The following CEP85L variants were observed in gnomAD, a reference collection of about 807,000 sequenced individuals.
The protein encoded by CEP85L is centrosomal protein 85L, also known as centrosomal protein of 85 kDa-like.
CEP85L carries 60 observed loss-of-function variants against 100.3 expected under a neutral mutation model. That is an observed-to-expected ratio of 0.60 (90% CI 0.49 to 0.74). The LOEUF (loss-of-function observed/expected upper bound fraction) is 0.74. CEP85L is among the 30% of genes least tolerant of loss of function. The pLI is 0.00. For synonymous variants in CEP85L, 319 were observed against 322.7 expected, an observed-to-expected ratio of 0.99 and a Z score of 0.12; for missense variants, 973 against 936.2, an observed-to-expected ratio of 1.04 and a Z score of -0.51.
chr6:118,481,892 A>G lies in CEP85L; in HGVS notation c.1632T>C (p.Ala544=), dbSNP rs754175878. 3 of 1,581,670 alleles carry G rather than the reference A, an allele frequency of 1.9e-6. No individual in the cohort carries two copies. Among genetic ancestry groups the G allele is most frequent in the Non-Finnish European group, 2.6e-6 (3 of 1,163,140 alleles). The stretch of plus-strand genomic sequence containing the variant: ...CAAGTTTTTTTTCTGTATCTATCAA[A>G]GCCTCTTGTAAATTCTTATTTTTTT... ...LEEKNKNLQE[A]LIDTEKKLEE... is the part of the protein sequence containing the mutation. The change falls in exon 8 of 13, where the codon GCT becomes GCC. Residue 544 remains alanine, a synonymous_variant. Transcript: ENST00000368491.
At position 118,647,034 on chromosome 6, in the gene CEP85L, C is replaced by G. The variant is rs183509797; in HGVS notation, c.73+4163G>C. The G allele has an allele frequency of 1.9e-4, 184 of 985,370 alleles. No homozygotes were observed. In the African/African-American group the frequency reaches 3.1e-3, roughly 16 times the overall value. 61.0% of individuals were successfully genotyped at this position (985,370 alleles called of 1,614,324 possible). On this transcript the variant is annotated intron_variant, in intron 1 of 12. Coordinates refer to ENST00000368491, the MANE Select transcript of CEP85L (RefSeq NM_001042475.3). ...AAGTTAAGATTCACCCCTTACCCCC[C>G]AATACCTATTATGAAAGAACATGTT...
In CEP85L at chr6:118,463,211, G is replaced by T. The variant is rs971335993; in HGVS notation, c.*2194C>A. On this transcript the variant is annotated 3_prime_UTR_variant, in exon 13 of 13. Coordinates refer to ENST00000368491, the MANE Select transcript of CEP85L (RefSeq NM_001042475.3). ...CCCAACTAAGCCAAAAAACAAAAAC[G>T]TATCTATAGTAGATTAAAACAAACT... 1 of 151,218 alleles carries T rather than the reference G, an allele frequency of 6.6e-6. No homozygotes were observed. The highest frequency in any genetic ancestry group is 1.9e-4 in the East Asian group (1 of 5,174). The allele number at this position is 151,218 out of a possible 1,614,324, so 9.4% of individuals were successfully genotyped here.
chr6:118,572,272 T>TAAA (rs572307069), intron 2 of CEP85L, among the ~76,000 whole-genome samples: 205 of 107,616 alleles, frequency 1.9e-3, no homozygotes, highest in Non-Finnish European at 2.6e-3. Context: ...ACCCATTCTT[T>TAAA]AAAAAAAAAA....
intron 3 of CEP85L, among the ~76,000 whole-genome samples, chr6:118,529,481 A>T (rs1224611401): frequency 1.3e-5 from 2 of 151,816 alleles, no homozygotes; most frequent in Admixed American, 1.3e-4. Flanking sequence ...GGTGGTGGGC[A>T]TCTGTAGTCC....
intron 5 of CEP85L, among the ~76,000 whole-genome samples, chr6:118,509,375 T>C (rs1015069363): frequency 7.2e-5 from 11 of 152,088 alleles, no homozygotes; most frequent in Non-Finnish European, 1.0e-4. Flanking sequence ...ACTACTTCCA[T>C]AGTATAGAAA....
chr6:118,540,100 T>C (rs17080305), intron 3 of CEP85L, among the ~76,000 whole-genome samples: 1,930 of 151,590 alleles, frequency 0.013, 54 homozygotes, highest in African/African-American at 0.044. Flanking sequence ...CACTGGCCTA[T>C]AGTACACAAT....
chr6:118,575,068 GT>G (rs1780143667), intron 2 of CEP85L, among the ~76,000 whole-genome samples: 1 of 152,050 alleles, frequency 6.6e-6, no homozygotes, highest in Admixed American at 6.6e-5. Flanking sequence ...AGAAACTCGA[GT>G]TGAGCCGTAG....
intron 1 of CEP85L, among the ~76,000 whole-genome samples, chr6:118,682,594 G>A (rs1426419447): frequency 6.6e-6 from 1 of 151,950 alleles, no homozygotes; most frequent in African/African-American, 2.4e-5. Flanking sequence ...GAAACAAGTG[G>A]CTTGTTACCC....
chr6:118,686,534 G>A (rs908577325), intron 1 of CEP85L, among the ~76,000 whole-genome samples: 2 of 152,214 alleles, frequency 1.3e-5, no homozygotes, highest in Middle Eastern at 3.4e-3. Flanking sequence ...CCATGTTGTA[G>A]CATGTGTCAA....
chr6:118,679,423 T>C (rs147634061), intron 1 of CEP85L, among the ~76,000 whole-genome samples: 148 of 152,246 alleles, frequency 9.7e-4, no homozygotes, highest in African/African-American at 3.5e-3. Flanking sequence ...TGGGAGAAAA[T>C]TGTTAGTTTA....
rs908501662 is a variant in CEP85L, at chr6:118,460,828, T to C, written c.*4577A>G. On this transcript the variant is annotated 3_prime_UTR_variant, in exon 13 of 13. Transcript: ENST00000368491. ...TACAAATTCCAACATCAACAAACAA[T>C]AGTCCAGTGGAAAAATACTAGCCAT... is the stretch of plus-strand genomic sequence containing the variant. 2.0e-5 allele frequency: 3 copies of C among 151,958 alleles called. No homozygotes were observed. Among genetic ancestry groups the C allele is most frequent in the African/African-American group, 4.8e-5 (2 of 41,428 alleles). 9.4% of individuals were successfully genotyped at this position (151,958 alleles called of 1,614,324 possible). A position where few individuals can be genotyped will look rare whatever the true frequency, so the allele number is the denominator to read the frequency against.
chr6:118,470,427 G>A (rs1288204632), intron 11 of CEP85L, 110 bp downstream of exon 11: 5 of 508,522 alleles, frequency 9.8e-6, no homozygotes, highest in East Asian at 6.5e-5. Context: ...TTAATTAACA[G>A]GCATATCAAA....
chr6:118,587,287 C>G (rs1780918544), intron 2 of CEP85L, among the ~76,000 whole-genome samples: 1 of 152,300 alleles, frequency 6.6e-6, no homozygotes, highest in Admixed American at 6.5e-5. Context: ...GAACACTCTG[C>G]CCCAGCGCCA....
intron 1 of CEP85L, among the ~76,000 whole-genome samples, chr6:118,689,202 C>T (rs1027851334): frequency 6.6e-6 from 1 of 152,100 alleles, no homozygotes; most frequent in Non-Finnish European, 1.5e-5. Flanking sequence ...CCAAATTAGG[C>T]CTATGAGTTA....
chr6:118,593,476 A>C (rs1267454760), intron 2 of CEP85L, among the ~76,000 whole-genome samples: 1 of 151,968 alleles, frequency 6.6e-6, no homozygotes. Flanking sequence ...AGGAAGAGAG[A>C]GAGGAGAGAG....
chr6:118,707,973 G>GT (rs1373786827), intron 1 of CEP85L, among the ~76,000 whole-genome samples: 1 of 150,930 alleles, frequency 6.6e-6, no homozygotes, highest in African/African-American at 2.4e-5. Context: ...GCTTTTTTGG[G>GT]GGGGGGACGG....
At chr6:118,572,341 G>A (rs1008745739) in intron 2 of CEP85L, among the ~76,000 whole-genome samples, 1 of 148,304 alleles carries the variant, frequency 6.7e-6, no homozygotes, top group Non-Finnish European at 1.5e-5. Flanking sequence ...AGGTGACGAG[G>A]TCAAGATATC....
chr6:118,545,711 G>T (rs986011266), intron 3 of CEP85L, among the ~76,000 whole-genome samples: 3 of 152,128 alleles, frequency 2.0e-5, no homozygotes, highest in Non-Finnish European at 2.9e-5. Flanking sequence ...ATTTCATTTA[G>T]AGCTTAGTAA....
At chr6:118,557,046 T>G (rs1350467840) in intron 3 of CEP85L, among the ~76,000 whole-genome samples, 2 of 152,224 alleles carry the variant, frequency 1.3e-5, no homozygotes, top group African/African-American at 4.8e-5. Flanking sequence ...TCTGTGGTAG[T>G]GAGATAATAA....
Sources: gnomAD v4.1 joint callset for allele counts (sites outside exome capture counted in the v4.1 genomes callset) on GRCh38, gnomAD v4.1.1 for gene constraint, MANE v1.5 for transcripts, NCBI Gene and HGNC (gene_info 2026-07-23, HGNC 2026-07-21) for gene names.